EIF4H: variants seen among roughly 807,000 people sequenced by gnomAD.
The protein encoded by EIF4H is Williams-Beuren syndrome chromosome region 1.
EIF4H carries 8 observed loss-of-function variants against 30.6 expected under a neutral mutation model. The observed-to-expected ratio is 0.26, with a 90% CI of 0.15 to 0.47. The LOEUF is 0.47. Ranked by LOEUF, EIF4H falls within the 20% of genes least tolerant of loss-of-function variation. The pLI is 0.99. For synonymous variants in EIF4H, 106 were observed against 122.7 expected, an observed-to-expected ratio of 0.86 and a Z score of 0.90; for missense variants, 188 against 339.5, an observed-to-expected ratio of 0.55 and a Z score of 3.51.
intron 1 of EIF4H, among the ~76,000 whole-genome samples, chr7:74,185,857 T>C (rs1157525828): frequency 6.6e-6 from 1 of 152,112 alleles, no homozygotes; most frequent in Non-Finnish European, 1.5e-5. Context: ...AAACTGCAGT[T>C]GGCTGCCAGC....
intron 1 of EIF4H, chr7:74,183,833 G>C (rs1244514492): frequency 6.6e-6 from 1 of 152,218 alleles, no homozygotes; most frequent in African/African-American, 2.4e-5. Flanking sequence ...TCACACAGTG[G>C]ACACTTTACC....
At chr7:74,179,255 CAAT>C (rs1800904887) in intron 1 of EIF4H, among the ~76,000 whole-genome samples, 1 of 152,186 alleles carries the variant, frequency 6.6e-6, no homozygotes, top group South Asian at 2.1e-4. Flanking sequence ...TACCAAAACT[CAAT>C]AAGCAGTAGT....
chr7:74,195,657 G>A lies in EIF4H; in HGVS notation c.*349G>A, dbSNP rs1355939584. On this transcript the variant is annotated 3_prime_UTR_variant, in exon 7 of 7. Coordinates refer to ENST00000265753, the MANE Select transcript of EIF4H (RefSeq NM_022170.2). The stretch of plus-strand genomic sequence containing the variant: ...GGGGGCGTTTGGGCTGCGGTGCTGC[G>A]TCATTTTTCCTTTGCTTTCTCTTTA... 5 of 200,326 alleles carry A rather than the reference G, an allele frequency of 2.5e-5. No individual in the cohort carries two copies. The highest frequency in any genetic ancestry group is 5.1e-5 in the Non-Finnish European group (5 of 97,818). The allele number at this position is 200,326 out of a possible 1,614,324, so 12.4% of individuals were successfully genotyped here.
intron 1 of EIF4H, among the ~76,000 whole-genome samples, chr7:74,178,258 T>G (rs1554707956): frequency 6.6e-6 from 1 of 152,118 alleles, no homozygotes; most frequent in Non-Finnish European, 1.5e-5. Context: ...TATTAGAAAT[T>G]AAGCTTTGTG....
At chr7:74,190,719 G>A (rs781903824) in intron 5 of EIF4H, among the ~76,000 whole-genome samples, 3 of 151,794 alleles carry the variant, frequency 2.0e-5, no homozygotes, top group Non-Finnish European at 4.4e-5. Flanking sequence ...TTTTTTTCTT[G>A]GAGGATTGTG....
chr7:74,178,370 C>G (rs571568521), intron 1 of EIF4H, among the ~76,000 whole-genome samples: 5 of 152,138 alleles, frequency 3.3e-5, no homozygotes, highest in Admixed American at 6.5e-5. Context: ...ACCAACGTGG[C>G]AAAACCCCAT....
chr7:74,195,514 T>C lies in EIF4H; in HGVS notation c.*206T>C. 6.5e-6 allele frequency: 3 copies of C among 458,524 alleles called. No individual in the cohort carries two copies. Among genetic ancestry groups the C allele is most frequent in the Non-Finnish European group, 1.1e-5 (3 of 261,596 alleles). The allele number at this position is 458,524 out of a possible 1,614,324, so 28.4% of individuals were successfully genotyped here. On this transcript the variant is annotated 3_prime_UTR_variant, in exon 7 of 7. Coordinates refer to ENST00000265753, the MANE Select transcript of EIF4H (RefSeq NM_022170.2). Reference sequence around the variant, plus strand: ...TTGCTGTATCTATCTAGTGCCTGTTTGTGCGTTTTTTTCTTTCTTCCGCTG... The same window carrying C: ...TTGCTGTATCTATCTAGTGCCTGTTCGTGCGTTTTTTTCTTTCTTCCGCTG...
At chr7:74,184,485 G>T (rs1248820239) in intron 1 of EIF4H, among the ~76,000 whole-genome samples, 3 of 151,828 alleles carry the variant, frequency 2.0e-5, no homozygotes, top group African/African-American at 7.3e-5. Context: ...ATATATACAT[G>T]TGTTTTATAC....
At chr7:74,184,715 T>C (rs1801044332) in intron 1 of EIF4H, among the ~76,000 whole-genome samples, 1 of 152,202 alleles carries the variant, frequency 6.6e-6, no homozygotes. Flanking sequence ...TTTTTTGTTT[T>C]TGTTTTTTTG....
In EIF4H at chr7:74,195,336, G is replaced by T. The variant is rs782220493; in HGVS notation, c.*28G>T. The T allele has an allele frequency of 6.2e-6, 10 of 1,606,238 alleles. No homozygotes were observed. The African/African-American group carries it at 6.7e-5, about 11-fold the overall frequency. On this transcript the variant is annotated 3_prime_UTR_variant, in exon 7 of 7. Transcript: ENST00000265753. ...CTGCGGTTGGGAGGGAATGGGGCGT[G>T]GGGGGTTAGAGCAGGACCACAGCCT...
chr7:74,174,943 C>T (rs1478545877), intron 1 of EIF4H, among the ~76,000 whole-genome samples: 2 of 152,212 alleles, frequency 1.3e-5, no homozygotes, highest in African/African-American at 4.8e-5. Context: ...GGGGCGATTC[C>T]CTTCCCCTTA....
intron 1 of EIF4H, among the ~76,000 whole-genome samples, chr7:74,175,228 C>T (rs2115922687): frequency 6.6e-6 from 1 of 152,320 alleles, no homozygotes; most frequent in Non-Finnish European, 1.5e-5. Flanking sequence ...AAAGAAACAT[C>T]TTTGAATAGA....
At chr7:74,188,024 G>A (rs185156704) in intron 2 of EIF4H, among the ~76,000 whole-genome samples, 1 of 152,308 alleles carries the variant, frequency 6.6e-6, no homozygotes, top group East Asian at 1.9e-4. Context: ...GAAATACATG[G>A]CATATGCCCA....
At chr7:74,180,653 T>C (rs1800939417) in intron 1 of EIF4H, among the ~76,000 whole-genome samples, 1 of 152,222 alleles carries the variant, frequency 6.6e-6, no homozygotes, top group Non-Finnish European at 1.5e-5. Context: ...ATCAGCACAC[T>C]GGAGCCTATG....
chr7:74,178,132 A>T (rs542382285), intron 1 of EIF4H, among the ~76,000 whole-genome samples: 11 of 151,926 alleles, frequency 7.2e-5, no homozygotes, highest in African/African-American at 2.7e-4. Flanking sequence ...GTAGAGACAG[A>T]GTGTCTCTAT....
chr7:74,189,631 C>A (rs1801159694), intron 2 of EIF4H, 42 bp from the exon 3 acceptor site: 1 of 1,609,140 alleles, frequency 6.2e-7, no homozygotes, highest in Admixed American at 1.7e-5. Context: ...ATCTTTAACC[C>A]AGAATTACTT....
intron 5 of EIF4H, among the ~76,000 whole-genome samples, chr7:74,192,976 C>G (rs1801258845): frequency 1.3e-5 from 2 of 152,150 alleles, no homozygotes; most frequent in South Asian, 4.1e-4. Context: ...CCACACCCAG[C>G]CTATGTGACC....
intron 1 of EIF4H, among the ~76,000 whole-genome samples, chr7:74,176,980 C>A (rs1288099664): frequency 2.0e-5 from 3 of 152,164 alleles, no homozygotes; most frequent in Non-Finnish European, 4.4e-5. Context: ...GCTATGAGTG[C>A]TTAGTGGAAA....
At chr7:74,179,331 A>G (rs1459407486) in intron 1 of EIF4H, among the ~76,000 whole-genome samples, 6 of 152,208 alleles carry the variant, frequency 3.9e-5, no homozygotes, top group African/African-American at 1.4e-4. Context: ...TCATACTTTT[A>G]CATTAGAGTT....
Sources: gnomAD v4.1 joint callset for allele counts (sites outside exome capture counted in the v4.1 genomes callset) on GRCh38, gnomAD v4.1.1 for gene constraint, MANE v1.5 for transcripts, NCBI Gene and HGNC (gene_info 2026-07-23, HGNC 2026-07-21) for gene names.